HERC1: variants seen among roughly 807,000 people sequenced by gnomAD.
HERC1 encodes probable E3 ubiquitin-protein ligase HERC1.
In HERC1, 160 loss-of-function variants were observed where a neutral mutation model predicts 554.3. That is an observed-to-expected ratio of 0.29 (90% confidence interval 0.25 to 0.33). The LOEUF (loss-of-function observed/expected upper bound fraction) is 0.33. Ranked by LOEUF, HERC1 falls within the 10% of genes least tolerant of loss-of-function variation. The pLI is 1.00. For synonymous variants in HERC1, 2,175 were observed against 2,131.7 expected, an observed-to-expected ratio of 1.02 and a Z score of -0.56; for missense variants, 4,919 against 5,918.5, an observed-to-expected ratio of 0.83 and a Z score of 5.54.
At chr15:63,748,510 CTA>C (rs1251810588) in intron 10 of HERC1, among the ~76,000 whole-genome samples, 1 of 152,004 alleles carries the variant, frequency 6.6e-6, no homozygotes, top group Non-Finnish European at 1.5e-5. Context: ...TATCCTGACT[CTA>C]TAGAGTGATA....
At chr15:63,663,960 A>C (rs2070485221) in intron 43 of HERC1, among the ~76,000 whole-genome samples, 1 of 152,216 alleles carries the variant, frequency 6.6e-6, no homozygotes, top group African/African-American at 2.4e-5. Flanking sequence ...TTTGGTTTGG[A>C]AAATATATTC....
At chr15:63,814,655 G>C (rs573082056) in intron 1 of HERC1, among the ~76,000 whole-genome samples, 10 of 152,234 alleles carry the variant, frequency 6.6e-5, no homozygotes, top group Admixed American at 6.5e-4. Flanking sequence ...TTTTAGTAGA[G>C]ACAGGGTTTT....
At chr15:63,805,486 G>A (rs900731633) in intron 1 of HERC1, among the ~76,000 whole-genome samples, 2 of 152,138 alleles carry the variant, frequency 1.3e-5, no homozygotes. Context: ...AGGAACAGGT[G>A]GAGAAGATTA....
At chr15:63,664,193 G>C (rs1256940645) in intron 43 of HERC1, among the ~76,000 whole-genome samples, 2 of 152,190 alleles carry the variant, frequency 1.3e-5, no homozygotes, top group Non-Finnish European at 2.9e-5. Flanking sequence ...AATTGACTGA[G>C]AGCAGAAGGA....
rs370838548 is a variant in HERC1, at chr15:63,806,165, GT to G, written c.-27+27661del. 3.7e-3 allele frequency among the ~76,000 whole-genome samples: 539 copies of G among 145,276 alleles called. 1 individual carries two copies. The highest frequency in any genetic ancestry group is 0.011 in the African/African-American group (436 of 39,940). ...TGAGCATTTCTGCAGAACACAAGTGGTTTTTTTTTTTTCTCTTTGAGATAGG... is the reference window on the plus strand; with the variant it reads ...TGAGCATTTCTGCAGAACACAAGTGGTTTTTTTTTTTCTCTTTGAGATAGG... On this transcript the variant is annotated intron_variant, in intron 1 of 77. Transcript: ENST00000443617.
chr15:63,725,516 A>G lies in HERC1; in HGVS notation c.3347-3T>C. ...AGGATCAATTAGTTCTGGCCCTCCT[A>G]AAGACAAAATCATTAGTTATTGTGT... On this transcript the variant is annotated splice_polypyrimidine_tract_variant and splice_region_variant and intron_variant, in intron 17 of 77. Transcript: ENST00000443617. 1.9e-6 allele frequency: 3 copies of G among 1,612,094 alleles called. No individual in the cohort carries two copies. Among genetic ancestry groups the G allele is most frequent in the Non-Finnish European group, 8.5e-7 (1 of 1,178,460 alleles).
At chr15:63,650,057 A>G (rs1298957296) in intron 53 of HERC1, 132 bp from the exon 54 acceptor site, 1 of 637,708 alleles carries the variant, frequency 1.6e-6, no homozygotes, top group Non-Finnish European at 2.7e-6. Context: ...ACTAATGAAT[A>G]AGACCATGAA....
Position 63,636,149 on chromosome 15 carries a change from C to T in HERC1, c.12233-7G>A, listed in dbSNP as rs369910520. On this transcript the variant is annotated splice_region_variant and splice_polypyrimidine_tract_variant and intron_variant, in intron 64 of 77. Coordinates refer to ENST00000443617, the MANE Select transcript of HERC1 (RefSeq NM_003922.4). Reference sequence around the variant, plus strand: ...AGCTGGGTCACCACAAAGCCTGGAACAGAACAGAAACCCAACAGGAGTCAC... The same window carrying T: ...AGCTGGGTCACCACAAAGCCTGGAATAGAACAGAAACCCAACAGGAGTCAC... The T allele has an allele frequency of 4.8e-5, 77 of 1,612,688 alleles. 2 individuals are homozygous for T. The highest frequency in any genetic ancestry group is 2.8e-4 in the Admixed American group (17 of 59,850).
At chr15:63,831,001 AC>A (rs1156608789) in intron 1 of HERC1, among the ~76,000 whole-genome samples, 5 of 152,198 alleles carry the variant, frequency 3.3e-5, no homozygotes, top group African/African-American at 9.7e-5. Context: ...GATTTGACCA[AC>A]TTTTTATGTT....
chr15:63,783,408 C>CAA (rs557756377), intron 1 of HERC1, among the ~76,000 whole-genome samples: 3 of 145,778 alleles, frequency 2.1e-5, no homozygotes, highest in South Asian at 4.4e-4. Context: ...CATTTTTTAG[C>CAA]AAAAAAAAAA....
chr15:63,827,557 G>A (rs911740809), intron 1 of HERC1, among the ~76,000 whole-genome samples: 10 of 151,916 alleles, frequency 6.6e-5, no homozygotes, highest in Admixed American at 2.6e-4. Flanking sequence ...ACATAAAAAA[G>A]AAGGGAACAG....
At position 63,805,624 on chromosome 15, in the gene HERC1, G is replaced by A. The variant is rs537321160; in HGVS notation, c.-27+28203C>T. Among the ~76,000 whole-genome samples, 41 of 152,292 alleles carry A rather than the reference G, an allele frequency of 2.7e-4. No individual in the cohort carries two copies. In the South Asian group the frequency reaches 3.9e-3, roughly 15 times the overall value. On this transcript the variant is annotated intron_variant, in intron 1 of 77. Coordinates refer to ENST00000443617, the MANE Select transcript of HERC1 (RefSeq NM_003922.4). ...TCTTAAAATGGTGAATTTATGGTAT[G>A]TTAATTATACCTCATCAAAGCTGAC...
In HERC1 at chr15:63,723,208, C is replaced by A; in HGVS notation, c.3716G>T (p.Ser1239Ile). ...SKEPARSLWI[S>I]MQDYAVSKDW... ...TTTACTAACAGCATAGTCCTGCATG[C>A]TGATCCAAAGGCTTCGGGCAGGCTC... Residue 1239 changes from serine to isoleucine, a missense_variant, in exon 19 of 78, where the codon AGC becomes ATC. Around this residue, in one of 11 missense-constraint regions of HERC1, gnomAD observed 1,121 missense variants for 1,244.0 expected, o/e 0.90. Coordinates refer to ENST00000443617, the MANE Select transcript of HERC1 (RefSeq NM_003922.4). 6.3e-7 allele frequency: 1 copy of A among 1,577,874 alleles called. No homozygotes were observed. The highest frequency in any genetic ancestry group is 8.6e-7 in the Non-Finnish European group (1 of 1,161,892).
At position 63,698,831 on chromosome 15, in the gene HERC1, C is replaced by T; in HGVS notation, c.4802G>A (p.Gly1601Glu). ...AAAACCTGGGGCATTCCCCACATCT[C>T]CACTCACAAAGCTTACAACATTTTC... ...LIENVVSFVS[G>E]DVGNAPGFKE... The change falls in exon 26 of 78, where the codon GGA becomes GAA. Residue 1601 changes from glycine to glutamate, a missense_variant. This residue lies in a region of HERC1 where 1,121 missense variants were observed against 1,244.0 expected (regional missense o/e 0.90). Coordinates refer to ENST00000443617, the MANE Select transcript of HERC1 (RefSeq NM_003922.4). The T allele has an allele frequency of 6.2e-7, 1 of 1,613,944 alleles. No individual in the cohort carries two copies. Among genetic ancestry groups the T allele is most frequent in the Non-Finnish European group, 8.5e-7 (1 of 1,179,842 alleles).
At chr15:63,684,553 T>G (rs1442941815) in intron 34 of HERC1, among the ~76,000 whole-genome samples, 1 of 152,150 alleles carries the variant, frequency 6.6e-6, no homozygotes, top group Non-Finnish European at 1.5e-5. Flanking sequence ...TTTTAAAAAT[T>G]AAAAAATTTA....
At chr15:63,784,631 A>G (rs957184803) in intron 1 of HERC1, among the ~76,000 whole-genome samples, 5 of 151,498 alleles carry the variant, frequency 3.3e-5, no homozygotes, top group Non-Finnish European at 5.9e-5. Context: ...TTTTTGAGAC[A>G]GAGTCTCACT....
chr15:63,634,916 T>A, intron 65 of HERC1, 28 bp from the exon 66 acceptor site: 1 of 1,541,616 alleles, frequency 6.5e-7, no homozygotes. Flanking sequence ...AGAAAGAAAA[T>A]TTTTAAGAAG....
intron 1 of HERC1, among the ~76,000 whole-genome samples, chr15:63,821,742 A>AAAAAAAAAAAAAAAAAAAAAC (rs2077705787): frequency 6.6e-6 from 1 of 151,110 alleles, no homozygotes; most frequent in Non-Finnish European, 1.5e-5. Flanking sequence ...AAAAAAAAAA[A>AAAAAAAAAAAAAAAAAAAAAC]AAAAAAAATC....
Position 63,666,069 on chromosome 15 carries a change from T to C in HERC1, c.8405A>G (p.Glu2802Gly). ...MIEHPGHEDE[E>G]EPQSGSTADS... is the part of the protein sequence containing the mutation. ...TGCTGTGCTGCCCGACTGGGGCTCC[T>C]CTTCATCCTCATGCCCAGGGTGCTC... Residue 2802 changes from glutamate (E) to glycine (G), a missense_variant, in exon 42 of 78, where the codon GAG becomes GGG. By Grantham distance (98) the Glu-to-Gly change is moderately conservative (BLOSUM62 -2). Coordinates refer to ENST00000443617, the MANE Select transcript of HERC1 (RefSeq NM_003922.4). 6.2e-7 allele frequency: 1 copy of C among 1,614,036 alleles called. No homozygotes were observed. The highest frequency in any genetic ancestry group is 8.5e-7 in the Non-Finnish European group (1 of 1,179,888).
Sources: gnomAD v4.1 joint callset for allele counts (sites outside exome capture counted in the v4.1 genomes callset) on GRCh38, gnomAD v4.1.1 for gene constraint, gnomAD v4.1.1 regional missense constraint, MANE v1.5 for transcripts, NCBI Gene and HGNC (gene_info 2026-07-23, HGNC 2026-07-21) for gene names.